The following EML6 variants were observed in gnomAD, a reference collection of about 807,000 sequenced individuals.
EML6 encodes EMAP like 6, also known as echinoderm microtubule-associated protein-like 6.
Under a neutral mutation model 240.1 loss-of-function variants are expected in EML6, and 154 were observed. That is an observed-to-expected ratio of 0.64 (90% CI 0.56 to 0.73). The LOEUF (loss-of-function observed/expected upper bound fraction) is 0.73, where lower values mean the gene tolerates loss of function less well. Among genes scored for constraint, EML6 ranks in the 30% least tolerant of loss-of-function variants. The pLI, the probability that EML6 is intolerant of heterozygous loss-of-function variation, is 0.00. For missense variants in EML6, 2,964 were observed against 2,474.6 expected, an observed-to-expected ratio of 1.20 and a Z score of -4.20; for synonymous variants, 1,148 against 899.0, an observed-to-expected ratio of 1.28 and a Z score of -4.95.
At chr2:54,788,208 C>T (rs1450306313) in intron 2 of EML6, among the ~76,000 whole-genome samples, 2 of 152,252 alleles carry the variant, frequency 1.3e-5, no homozygotes, top group Non-Finnish European at 2.9e-5. Context: ...ACTGGTTGAG[C>T]ACATAGGTTC....
In EML6 at chr2:54,965,138, C is replaced by G. The variant is rs1434100660; in HGVS notation, c.5493+405C>G. The stretch of plus-strand genomic sequence containing the variant: ...CCCCTCCATACGTGGGCCCTGGACT[C>G]CAGCCAGTGGGCCTGGAGTGAAAGC... On this transcript the variant is annotated intron_variant, in intron 38 of 41. Transcript: ENST00000356458. Among the ~76,000 whole-genome samples, 5 of 152,168 alleles carry G rather than the reference C, an allele frequency of 3.3e-5. No individual in the cohort carries two copies. The East Asian group carries it at 7.7e-4, about 23-fold the overall frequency.
chr2:54,928,301 C>T lies in EML6; in HGVS notation c.3676-12C>T, dbSNP rs1473213455. On this transcript the variant is annotated splice_polypyrimidine_tract_variant and intron_variant, in intron 26 of 41. Transcript: ENST00000356458. ...CAGTGGCTGGGGTAATAACCAATTT[C>T]GGGCTTTACAGGGACAGCACGCAAG... 7 of 1,549,996 alleles carry T rather than the reference C, an allele frequency of 4.5e-6. No homozygotes were observed. The highest frequency in any genetic ancestry group is 1.2e-5 in the South Asian group (1 of 83,994).
chr2:54,793,741 TC>T (rs1410486153), intron 2 of EML6, among the ~76,000 whole-genome samples: 1 of 152,260 alleles, frequency 6.6e-6, no homozygotes, highest in East Asian at 1.9e-4. Flanking sequence ...GTTGTGGACT[TC>T]CAGGAAGCGG....
intron 28 of EML6, among the ~76,000 whole-genome samples, chr2:54,931,179 G>T (rs1009180933): frequency 6.6e-6 from 1 of 151,714 alleles, no homozygotes; most frequent in Non-Finnish European, 1.5e-5. Context: ...GGATGGTCTC[G>T]ATCTCCTGAC....
chr2:54,791,279 C>A (rs1039957676), intron 2 of EML6, among the ~76,000 whole-genome samples: 1 of 152,184 alleles, frequency 6.6e-6, no homozygotes. Context: ...TGCCGGTATG[C>A]TCACGCAAGT....
intron 2 of EML6, among the ~76,000 whole-genome samples, chr2:54,753,256 A>G (rs1684254745): frequency 6.6e-6 from 1 of 152,172 alleles, no homozygotes; most frequent in Admixed American, 6.5e-5. Context: ...ATTTTCTCTG[A>G]TCATCAATAA....
chr2:54,942,722 A>C (rs992848234), intron 28 of EML6, among the ~76,000 whole-genome samples: 2 of 152,124 alleles, frequency 1.3e-5, no homozygotes, highest in Admixed American at 1.3e-4. Context: ...GGCCAACCCC[A>C]GCCAGCTCCT....
intron 26 of EML6, among the ~76,000 whole-genome samples, chr2:54,922,234 A>G (rs370527069): frequency 4.6e-5 from 7 of 152,246 alleles, no homozygotes; most frequent in African/African-American, 1.7e-4. Context: ...ATGATTTTAA[A>G]ACAGGCAAAT....
chr2:54,928,286 G>A, intron 26 of EML6, 27 bp from the exon 27 acceptor site: 1 of 1,528,360 alleles, frequency 6.5e-7, no homozygotes, highest in Non-Finnish European at 8.9e-7. Flanking sequence ...CAGTGGCTGG[G>A]GTAATAACCA....
chr2:54,742,291 C>G (rs777558496), intron 2 of EML6, among the ~76,000 whole-genome samples: 3 of 152,134 alleles, frequency 2.0e-5, no homozygotes, highest in Non-Finnish European at 4.4e-5. Flanking sequence ...ACCTTTGGTC[C>G]CATCACCCAT....
In EML6 at chr2:54,813,179, GATC is replaced by G. The variant is rs916054552; in HGVS notation, c.198-51_198-49del. 4.7e-6 allele frequency: 6 copies of G among 1,279,610 alleles called. No individual in the cohort carries two copies. In the African/African-American group the frequency reaches 9.0e-5, roughly 19 times the overall value. The allele number at this position is 1,279,610 out of a possible 1,614,324, so 79.3% of individuals were successfully genotyped here. ...TGAGAAACAGATTTGGATAAAAGGTGATCAGTGTTTTCTTCAGTTGGAAGATGT... is the reference window on the plus strand; with the variant it reads ...TGAGAAACAGATTTGGATAAAAGGTGAGTGTTTTCTTCAGTTGGAAGATGT... On this transcript the variant is annotated intron_variant, in intron 2 of 41. Coordinates refer to ENST00000356458, the MANE Select transcript of EML6 (RefSeq NM_001039753.4).
chr2:54,855,480 C>G (rs1450783135), intron 11 of EML6, among the ~76,000 whole-genome samples: 1 of 122,616 alleles, frequency 8.2e-6, no homozygotes, highest in Non-Finnish European at 1.6e-5. Flanking sequence ...CCCTCTAATT[C>G]TGGAGATTAC....
chr2:54,942,829 C>G (rs1051921757), intron 28 of EML6, among the ~76,000 whole-genome samples: 2 of 152,198 alleles, frequency 1.3e-5, no homozygotes, highest in Non-Finnish European at 2.9e-5. Context: ...TACACCTGAT[C>G]TTCATCAAGA....
At chr2:54,953,400 G>A (rs1270969674) in intron 31 of EML6, among the ~76,000 whole-genome samples, 1 of 152,148 alleles carries the variant, frequency 6.6e-6, no homozygotes, top group Admixed American at 6.5e-5. Context: ...GTATCTTGCC[G>A]AATTGCAGAT....
chr2:54,873,783 G>A (rs1312410115), intron 16 of EML6, among the ~76,000 whole-genome samples: 2 of 144,364 alleles, frequency 1.4e-5, no homozygotes, highest in Non-Finnish European at 3.0e-5. Flanking sequence ...ACATTATTGG[G>A]AATCCAATAT....
chr2:54,892,616 C>G lies in EML6; in HGVS notation c.2702C>G (p.Ala901Gly), dbSNP rs772815812. ...ATTCTACTACTGAAGACAGTGAAAG[C>G]TCATGATGGGCCTGTGTTTGCTATG... ...KDILLLKTVK[A>G]HDGPVFAMYA... The change falls in exon 19 of 42, where the codon GCT becomes GGT. Residue 901 changes from alanine to glycine, a missense_variant. Ala to Gly is a moderately conservative substitution (Grantham distance 60, BLOSUM62 0). Transcript: ENST00000356458. The G allele has an allele frequency of 5.2e-6, 8 of 1,551,642 alleles. No homozygotes were observed. The African/African-American group carries it at 6.8e-5, about 13-fold the overall frequency.
intron 13 of EML6, among the ~76,000 whole-genome samples, chr2:54,864,265 T>C (rs1168781260): frequency 6.6e-6 from 1 of 152,230 alleles, no homozygotes; most frequent in Admixed American, 6.5e-5. Flanking sequence ...ATGGATACCC[T>C]TGAGGCATGG....
At chr2:54,728,891 A>G (rs79436694) in intron 2 of EML6, among the ~76,000 whole-genome samples, 2 of 152,188 alleles carry the variant, frequency 1.3e-5, no homozygotes, top group East Asian at 3.9e-4. Flanking sequence ...CCCACTTGCC[A>G]TATGATGACT....
intron 33 of EML6, among the ~76,000 whole-genome samples, chr2:54,958,496 T>A (rs958552827): frequency 7.3e-6 from 1 of 136,348 alleles, no homozygotes; most frequent in Non-Finnish European, 1.5e-5. Flanking sequence ...CTGGCCAATA[T>A]TTTTTTTTTC....
Sources: allele counts gnomAD v4.1 joint callset (sites outside exome capture counted in the v4.1 genomes callset), GRCh38; gene constraint gnomAD v4.1.1; transcripts MANE v1.5; gene names NCBI Gene and HGNC (gene_info 2026-07-23, HGNC 2026-07-21).